SAMD5: variants seen among roughly 807,000 people sequenced by gnomAD.
SAMD5 encodes sterile alpha motif domain-containing protein 5.
A neutral mutation model predicts 11.3 loss-of-function variants in SAMD5; 13 were observed. The observed-to-expected ratio is 1.15, with a 90% CI of 0.75 to 1.83. The LOEUF (loss-of-function observed/expected upper bound fraction) is 1.83. Ranked by LOEUF, SAMD5 falls within the 40% of genes most tolerant of loss-of-function variation. The pLI is 0.00. For missense variants in SAMD5, 255 were observed against 239.1 expected (o/e 1.07, Z -0.44); for synonymous variants, 129 against 111.3 (o/e 1.16, Z -1.00).
chr6:147,873,435 G>A, the SAMD5 span, among the ~76,000 whole-genome samples: 49,461 of 151,694 alleles, frequency 0.33, 8,757 homozygotes, highest in East Asian at 0.44. Flanking sequence ...TATTCTGACT[G>A]TGTTGTTAGT....
the SAMD5 span, among the ~76,000 whole-genome samples, chr6:147,763,367 T>C: frequency 6.6e-6 from 1 of 152,000 alleles, no homozygotes; most frequent in African/African-American, 2.4e-5. Flanking sequence ...TTTCACCATG[T>C]TGGCCGGGCT....
At chr6:147,910,888 A>T in the SAMD5 span, among the ~76,000 whole-genome samples, 2 of 152,234 alleles carry the variant, frequency 1.3e-5, no homozygotes, top group African/African-American at 4.8e-5. Flanking sequence ...AGTAGTGCAT[A>T]CAACTAAAAC....
At chr6:147,627,904 TC>T (rs1359392205) in intron 1 of SAMD5, among the ~76,000 whole-genome samples, 1 of 152,232 alleles carries the variant, frequency 6.6e-6, no homozygotes, top group African/African-American at 2.4e-5. Context: ...AACAGATGTT[TC>T]CTGCCAGTCA....
chr6:147,756,695 T>C, the SAMD5 span, among the ~76,000 whole-genome samples: 1 of 152,220 alleles, frequency 6.6e-6, no homozygotes, highest in Non-Finnish European at 1.5e-5. Flanking sequence ...AATGTCCTTA[T>C]CAACCCTGCG....
intron 1 of SAMD5, among the ~76,000 whole-genome samples, chr6:147,594,514 A>G (rs944622787): frequency 3.3e-5 from 5 of 152,324 alleles, no homozygotes; most frequent in African/African-American, 9.6e-5. Context: ...CTAATCCATT[A>G]TATTACAAAG....
the SAMD5 span, among the ~76,000 whole-genome samples, chr6:147,746,913 G>C: frequency 6.6e-6 from 1 of 152,300 alleles, no homozygotes; most frequent in East Asian, 1.9e-4. Flanking sequence ...CTAGGTCATG[G>C]GCTGCAACAC....
chr6:147,863,540 T>G, the SAMD5 span, among the ~76,000 whole-genome samples: 1 of 152,200 alleles, frequency 6.6e-6, no homozygotes, highest in South Asian at 2.1e-4. Flanking sequence ...GTTTATCAGA[T>G]AGCTGTGAAA....
chr6:147,885,808 T>C, the SAMD5 span, among the ~76,000 whole-genome samples: 1 of 152,230 alleles, frequency 6.6e-6, no homozygotes, highest in Non-Finnish European at 1.5e-5. Context: ...ATACAGCAGC[T>C]GTATTTGGGG....
chr6:147,761,379 G>A, the SAMD5 span, among the ~76,000 whole-genome samples: 103 of 152,090 alleles, frequency 6.8e-4, no homozygotes, highest in African/African-American at 2.2e-3. Flanking sequence ...AGGATTTTAT[G>A]GCCCAAATAT....
intron 1 of SAMD5, among the ~76,000 whole-genome samples, chr6:147,695,822 A>G (rs1481630449): frequency 4.6e-5 from 7 of 152,200 alleles, no homozygotes; most frequent in African/African-American, 1.7e-4. Flanking sequence ...TATATACTTT[A>G]TACATATATA....
the SAMD5 span, among the ~76,000 whole-genome samples, chr6:147,838,704 G>A: frequency 6.6e-6 from 1 of 152,106 alleles, no homozygotes; most frequent in African/African-American, 2.4e-5. Context: ...ACATCCCAGG[G>A]ACAGATGACA....
the SAMD5 span, among the ~76,000 whole-genome samples, chr6:147,923,774 T>C: frequency 6.6e-6 from 1 of 152,162 alleles, no homozygotes; most frequent in Non-Finnish European, 1.5e-5. Flanking sequence ...TTACACTGTA[T>C]AGATGACACC....
At chr6:147,827,314 A>G in the SAMD5 span, among the ~76,000 whole-genome samples, 27 of 152,212 alleles carry the variant, frequency 1.8e-4, no homozygotes, top group Admixed American at 1.2e-3. Flanking sequence ...GGAAGGAAGG[A>G]AGGAAAAAAA....
At chr6:147,738,040 A>G (rs1791830077), downstream of SAMD5, among the ~76,000 whole-genome samples, 1 of 152,192 alleles carries the variant, frequency 6.6e-6, no homozygotes, top group Non-Finnish European at 1.5e-5. Flanking sequence ...CTCAGAGACC[A>G]AAAACATGAG....
chr6:147,620,080 C>A (rs1789937058), intron 1 of SAMD5, among the ~76,000 whole-genome samples: 1 of 152,106 alleles, frequency 6.6e-6, no homozygotes, highest in South Asian at 2.1e-4. Flanking sequence ...CACGTGTAGC[C>A]CTTGTGGGAA....
At chr6:147,804,925 C>G in the SAMD5 span, among the ~76,000 whole-genome samples, 2,177 of 152,194 alleles carry the variant, frequency 0.014, 40 homozygotes, top group East Asian at 0.066. Context: ...TTGTTACAAA[C>G]AAGAAGCTGA....
In SAMD5 at chr6:147,711,588, G is replaced by C. The variant is rs1791401151; in HGVS notation, c.163-25729G>C. Among the ~76,000 whole-genome samples, 1 of 152,170 alleles carries C rather than the reference G, an allele frequency of 6.6e-6. No individual in the cohort carries two copies. The highest frequency in any genetic ancestry group is 1.5e-5 in the Non-Finnish European group (1 of 68,032). ...GCTGATTCATTTAATTGAGGATGTAGAAAATATTGCAGAGAGTAAAGAAAA... is the reference window on the plus strand; with the variant it reads ...GCTGATTCATTTAATTGAGGATGTACAAAATATTGCAGAGAGTAAAGAAAA... On this transcript the variant is annotated intron_variant, in intron 1 of 1. Coordinates refer to the SAMD5 transcript ENST00000566741. The surrounding 1 kb of genome is among the most constrained non-coding windows in gnomAD (Gnocchi z 4.1).
chr6:147,509,279 C>T lies in SAMD5; in HGVS notation c.351C>T (p.Pro117=), dbSNP rs745889776. The change falls in exon 1 of 2, where the codon CCC becomes CCT. Residue 117 remains proline, a synonymous_variant. Transcript: ENST00000367474. ...RGDSRGHTTA[P]RSRELVSYPK... ...ACTCTCGCGGCCACACGACCGCCCC[C>T]CGCAGCAGGGAGCTGGTGAGCTACC... 4.5e-6 allele frequency: 7 copies of T among 1,563,126 alleles called. No individual in the cohort carries two copies. The highest frequency in any genetic ancestry group is 6.0e-6 in the Non-Finnish European group (7 of 1,157,986).
intron 1 of SAMD5, among the ~76,000 whole-genome samples, chr6:147,726,812 G>C (rs942440386): frequency 1.3e-5 from 2 of 152,140 alleles, no homozygotes; most frequent in Middle Eastern, 3.2e-3. Flanking sequence ...GAGGGCTTAC[G>C]GCAGCACCTG....
Sources: gnomAD v4.1 joint callset for allele counts (sites outside exome capture counted in the v4.1 genomes callset) on GRCh38, gnomAD v4.1.1 for gene constraint, Gnocchi (gnomAD v3.1) non-coding constraint, MANE v1.5 for transcripts, NCBI Gene and HGNC (gene_info 2026-07-23, HGNC 2026-07-21) for gene names.